Variants in NGEF observed in about 807,000 individuals in gnomAD.
The protein encoded by NGEF is neuronal guanine nucleotide exchange factor, also known as ephexin-1.
In NGEF, 31 loss-of-function variants were observed where a neutral mutation model predicts 80.9. That is an observed-to-expected ratio of 0.38 (90% CI 0.29 to 0.52). The LOEUF (loss-of-function observed/expected upper bound fraction) is 0.52, where lower values mean the gene tolerates loss of function less well. Among genes scored for constraint, NGEF ranks in the 20% least tolerant of loss-of-function variants. NGEF has a pLI of 0.84. For missense variants in NGEF, 709 were observed against 926.2 expected (o/e 0.77, Z 3.04); for synonymous variants, 371 against 370.2 (o/e 1.00, Z -0.03).
At chr2:232,910,291 C>T (rs1692663605) in intron 5 of NGEF, among the ~76,000 whole-genome samples, 1 of 152,068 alleles carries the variant, frequency 6.6e-6, no homozygotes, top group Non-Finnish European at 1.5e-5. Flanking sequence ...ATTAGATTTT[C>T]ATAAGGTGCA....
At chr2:232,944,342 A>AC (rs1693505253) in intron 3 of NGEF, among the ~76,000 whole-genome samples, 1 of 152,242 alleles carries the variant, frequency 6.6e-6, no homozygotes. Context: ...ACACTCTGAA[A>AC]TAAGAAAAGA....
chr2:232,998,980 A>G (rs555281626), intron 1 of NGEF, among the ~76,000 whole-genome samples: 23 of 152,292 alleles, frequency 1.5e-4, no homozygotes, highest in Middle Eastern at 3.4e-3. Context: ...ACACTGTGCT[A>G]GGCCTCTGGT....
chr2:232,890,551 C>T (rs937041409), intron 8 of NGEF, among the ~76,000 whole-genome samples: 5 of 152,190 alleles, frequency 3.3e-5, no homozygotes, highest in African/African-American at 1.2e-4. Flanking sequence ...CTCAGTTCAT[C>T]CTGCCCTGAA....
chr2:232,984,390 C>T (rs1341255867), intron 1 of NGEF, among the ~76,000 whole-genome samples: 1 of 152,052 alleles, frequency 6.6e-6, no homozygotes, highest in African/African-American at 2.4e-5. Flanking sequence ...TTATGCCCAG[C>T]CTGAAATTAA....
At chr2:232,934,257 AAAAAG>A (rs1359932961) in intron 3 of NGEF, among the ~76,000 whole-genome samples, 2 of 151,534 alleles carry the variant, frequency 1.3e-5, no homozygotes, top group African/African-American at 2.4e-5. Context: ...AAAAAAAAAA[AAAAAG>A]AAAGAGAAAG....
chr2:232,915,170 T>C (rs1692771918), intron 5 of NGEF, among the ~76,000 whole-genome samples: 1 of 152,140 alleles, frequency 6.6e-6, no homozygotes, highest in Admixed American at 6.6e-5. Context: ...TGTAGGTGAT[T>C]TTTTGGGGTT....
At chr2:232,928,415 A>G (rs1402959461) in intron 3 of NGEF, among the ~76,000 whole-genome samples, 1 of 151,542 alleles carries the variant, frequency 6.6e-6, no homozygotes, top group Non-Finnish European at 1.5e-5. Context: ...TGCCCCGCCC[A>G]CTCCTCACGG....
intron 3 of NGEF, among the ~76,000 whole-genome samples, chr2:232,947,725 T>C (rs540503421): frequency 1.7e-4 from 26 of 152,268 alleles, no homozygotes; most frequent in South Asian, 1.5e-3. Context: ...TTTATAGCAG[T>C]GTGAGAACAG....
intron 1 of NGEF, among the ~76,000 whole-genome samples, chr2:232,983,329 G>A (rs1391222129): frequency 2.0e-5 from 3 of 152,260 alleles, no homozygotes; most frequent in Non-Finnish European, 2.9e-5. Flanking sequence ...GGGAGGTAGA[G>A]AGGAGGGTCC....
At chr2:232,981,421 G>A (rs1694413943) in intron 1 of NGEF, among the ~76,000 whole-genome samples, 1 of 151,954 alleles carries the variant, frequency 6.6e-6, no homozygotes. Flanking sequence ...TACGGTTTAG[G>A]GGTCCTGCAG....
intron 1 of NGEF, among the ~76,000 whole-genome samples, chr2:232,977,512 T>C (rs62193960): frequency 0.38 from 57,632 of 152,082 alleles, 11,615 homozygotes; most frequent in Non-Finnish European, 0.45. Context: ...CCGCTGGCAT[T>C]GCCTTCTCTC....
intron 5 of NGEF, among the ~76,000 whole-genome samples, chr2:232,918,854 C>G (rs1692870482): frequency 6.6e-6 from 1 of 151,726 alleles, no homozygotes; most frequent in East Asian, 2.0e-4. Context: ...GTCTCGAACT[C>G]CTGAGCTCGT....
chr2:232,882,341 G>T, intron 12 of NGEF, 76 bp from the exon 13 acceptor site: 1 of 1,316,084 alleles, frequency 7.6e-7, no homozygotes. Flanking sequence ...AGGCTTCCCA[G>T]CTAGCTGCCC....
chr2:232,976,982 G>A (rs1474545384), intron 1 of NGEF, among the ~76,000 whole-genome samples: 2 of 152,182 alleles, frequency 1.3e-5, no homozygotes, highest in Non-Finnish European at 2.9e-5. Context: ...ACTTAGGATG[G>A]ACCATTAATA....
Position 232,884,043 on chromosome 2 carries a change from G to T in NGEF, c.1539C>A (p.Leu513=). The T allele has an allele frequency of 3.1e-6, 5 of 1,612,968 alleles. No individual in the cohort carries two copies. Among genetic ancestry groups the T allele is most frequent in the Non-Finnish European group, 4.2e-6 (5 of 1,179,634 alleles). The change falls in exon 11 of 15, where the codon CTC becomes CTA. Residue 513 remains leucine (L), a synonymous_variant. Transcript: ENST00000264051. ...KTSRTLRTKK[L]FHEIYLFLFN... ...ACAGGAAGAGGTAAATTTCGTGGAA[G>T]AGCTTCTTGGTCCTCAGGGTCCGGG...
rs115742668 is a variant in NGEF, at chr2:232,939,433, A to G, written c.384-12247T>C. Among the ~76,000 whole-genome samples, 645 of 152,350 alleles carry G rather than the reference A, an allele frequency of 4.2e-3. 4 individuals are homozygous for G. Among genetic ancestry groups the G allele is most frequent in the African/African-American group, 0.012 (479 of 41,588 alleles). The stretch of plus-strand genomic sequence containing the variant: ...TAACAGAGAATGCATTGCCTTAACC[A>G]TTAACCAAATGGAGCAAAACTTTAT... On this transcript the variant is annotated intron_variant, in intron 3 of 14. Coordinates refer to ENST00000264051, the MANE Select transcript of NGEF (RefSeq NM_019850.3).
intron 3 of NGEF, among the ~76,000 whole-genome samples, chr2:232,939,502 G>A (rs1693397873): frequency 2.6e-5 from 4 of 152,140 alleles, no homozygotes; most frequent in African/African-American, 9.7e-5. Context: ...AAGTAGACTT[G>A]AAGAAGTAGC....
intron 1 of NGEF, among the ~76,000 whole-genome samples, chr2:232,977,291 T>C (rs2106325529): frequency 6.6e-6 from 1 of 152,166 alleles, no homozygotes; most frequent in Middle Eastern, 3.4e-3. Flanking sequence ...GAGGTCACCA[T>C]TGTCACCCAT....
intron 3 of NGEF, among the ~76,000 whole-genome samples, chr2:232,949,729 T>C (rs1379143705): frequency 1.5e-5 from 2 of 133,586 alleles, no homozygotes; most frequent in East Asian, 4.3e-4. Flanking sequence ...TCTGCCTGCC[T>C]CAGACTCCCA....
Sources: gnomAD v4.1 joint callset for allele counts (sites outside exome capture counted in the v4.1 genomes callset) on GRCh38, gnomAD v4.1.1 for gene constraint, MANE v1.5 for transcripts, NCBI Gene and HGNC (gene_info 2026-07-23, HGNC 2026-07-21) for gene names.